MAD1L1: variants seen among roughly 807,000 people sequenced by gnomAD.
The protein encoded by MAD1L1 is mitotic spindle assembly checkpoint protein MAD1.
MAD1L1 carries 95 observed loss-of-function variants against 96.9 expected under a neutral mutation model. That is an observed-to-expected ratio of 0.98 (90% CI 0.83 to 1.16). The LOEUF (loss-of-function observed/expected upper bound fraction) is 1.16, where lower values mean the gene tolerates loss of function less well. Ranked by LOEUF, MAD1L1 falls within the 50% of genes most tolerant of loss-of-function variation. The pLI, the probability that MAD1L1 is intolerant of heterozygous loss-of-function variation, is 0.00. For missense variants in MAD1L1, 1,007 were observed against 954.4 expected (o/e 1.06, Z -0.73); for synonymous variants, 473 against 396.6 (o/e 1.19, Z -2.29).
intron 18 of MAD1L1, among the ~76,000 whole-genome samples, chr7:1,896,919 T>G (rs940666574): frequency 6.6e-6 from 1 of 152,252 alleles, no homozygotes; most frequent in African/African-American, 2.4e-5. Context: ...ATTAAACACC[T>G]CTGTGAATTA....
At chr7:1,865,191 A>G (rs1459390456) in intron 18 of MAD1L1, among the ~76,000 whole-genome samples, 1 of 151,912 alleles carries the variant, frequency 6.6e-6, no homozygotes, top group Non-Finnish European at 1.5e-5. Flanking sequence ...CACCCACCCT[A>G]TGGGATCTGG....
At position 2,230,530 on chromosome 7, in the gene MAD1L1, A is replaced by T; in HGVS notation, c.-11+19T>A. The T allele has an allele frequency of 5.3e-6, 1 of 188,642 alleles. No homozygotes were observed. Among genetic ancestry groups the T allele is most frequent in the South Asian group, 1.1e-4 (1 of 8,882 alleles). The allele number at this position is 188,642 out of a possible 1,614,324, so 11.7% of individuals were successfully genotyped here. ...GAGACAGACACAAGAGAAGGGCTTT[A>T]TTGGGGAAACTGACTCACGCGATTA... On this transcript the variant is annotated intron_variant, in intron 2 of 18. Coordinates refer to ENST00000265854, the MANE Select transcript of MAD1L1 (RefSeq NM_001013836.2).
chr7:1,950,173 T>A (rs1036445468), intron 16 of MAD1L1, among the ~76,000 whole-genome samples: 2 of 152,214 alleles, frequency 1.3e-5, no homozygotes, highest in African/African-American at 2.4e-5. Context: ...GAGCCCGAGC[T>A]GGGTCCCAGT....
chr7:2,026,926 G>A (rs1783019787), intron 12 of MAD1L1, among the ~76,000 whole-genome samples: 5 of 151,798 alleles, frequency 3.3e-5, no homozygotes, highest in African/African-American at 9.7e-5. Context: ...AATACATATG[G>A]GAAAAAATCA....
chr7:1,942,054 A>C (rs1779026787), intron 16 of MAD1L1, among the ~76,000 whole-genome samples: 1 of 151,768 alleles, frequency 6.6e-6, no homozygotes, highest in Non-Finnish European at 1.5e-5. Flanking sequence ...CAGGCTCTTG[A>C]CCTCCACGCG....
At chr7:1,950,460 T>C (rs1367373390) in intron 16 of MAD1L1, among the ~76,000 whole-genome samples, 1 of 152,190 alleles carries the variant, frequency 6.6e-6, no homozygotes, top group East Asian at 1.9e-4. Context: ...GTGCTGGTAA[T>C]CACCCGCTGA....
intron 16 of MAD1L1, among the ~76,000 whole-genome samples, chr7:1,951,840 T>G (rs1187704535): frequency 2.0e-5 from 3 of 152,214 alleles, no homozygotes; most frequent in Non-Finnish European, 4.4e-5. Context: ...TCCATGCATC[T>G]GTCCACAGAC....
Position 1,968,685 on chromosome 7 carries a change from G to A in MAD1L1, c.1506-10966C>T, listed in dbSNP as rs1195812396. Among the ~76,000 whole-genome samples, 1 of 152,240 alleles carries A rather than the reference G, an allele frequency of 6.6e-6. No individual in the cohort carries two copies. The highest frequency in any genetic ancestry group is 1.9e-4 in the East Asian group (1 of 5,200). On this transcript the variant is annotated intron_variant, in intron 15 of 18. Transcript: ENST00000265854. This position sits in a 1 kb window ranked among gnomAD's most constrained non-coding sequence, Gnocchi z 5.6. ...TGTCAGGGGCTCCCTGATGGGACGT[G>A]GTGAGAAAGGACTTGTCGTCTGTGA...
chr7:2,049,371 A>G (rs1784066150), intron 12 of MAD1L1, among the ~76,000 whole-genome samples: 1 of 152,116 alleles, frequency 6.6e-6, no homozygotes, highest in South Asian at 2.1e-4. Context: ...CTCCCTGCAC[A>G]GTGGGGGCCC....
intron 13 of MAD1L1, among the ~76,000 whole-genome samples, chr7:2,005,957 G>A (rs1198547011): frequency 6.6e-6 from 1 of 152,144 alleles, no homozygotes; most frequent in Non-Finnish European, 1.5e-5. Context: ...CCAGACAGAA[G>A]CTCAGCACGC....
chr7:2,046,751 T>C (rs889914182), intron 12 of MAD1L1, among the ~76,000 whole-genome samples: 3 of 151,958 alleles, frequency 2.0e-5, no homozygotes, highest in Non-Finnish European at 4.4e-5. Context: ...GGAAAAGAGG[T>C]GAGTCCTTTC....
chr7:1,963,129 A>G (rs1048682022), intron 15 of MAD1L1, among the ~76,000 whole-genome samples: 2 of 152,206 alleles, frequency 1.3e-5, no homozygotes, highest in African/African-American at 2.4e-5. Context: ...CGATTTCTAC[A>G]TGGGACTTTA....
intron 5 of MAD1L1, chr7:2,220,889 G>A (rs781167958): frequency 1.6e-5 from 25 of 1,610,478 alleles, no homozygotes; most frequent in Non-Finnish European, 2.0e-5. Context: ...CGCACCGTGT[G>A]CCAGGGGCAA....
At chr7:2,147,534 G>A (rs973178537) in intron 11 of MAD1L1, among the ~76,000 whole-genome samples, 24 of 152,200 alleles carry the variant, frequency 1.6e-4, no homozygotes, top group Non-Finnish European at 2.4e-4. Context: ...CCAGACCAGC[G>A]CAGTACTGAG....
At chr7:2,221,134 A>G (rs1213595978) in intron 5 of MAD1L1, 12 of 998,234 alleles carry the variant, frequency 1.2e-5, no homozygotes, top group Non-Finnish European at 1.2e-5. Flanking sequence ...CAGCGCCACC[A>G]TCTTCCCCTC....
intron 11 of MAD1L1, among the ~76,000 whole-genome samples, chr7:2,070,000 G>A (rs552370510): frequency 2.0e-5 from 3 of 148,412 alleles, no homozygotes; most frequent in East Asian, 3.9e-4. Flanking sequence ...GCCTCCCAAC[G>A]GCTCTCACTA....
chr7:2,208,444 C>T (rs1792711656), intron 10 of MAD1L1, among the ~76,000 whole-genome samples: 1 of 152,072 alleles, frequency 6.6e-6, no homozygotes, highest in African/African-American at 2.4e-5. Flanking sequence ...ACAGTGCAAC[C>T]AGGGGTGCAG....
chr7:2,179,553 G>A (rs1297275515), intron 10 of MAD1L1, among the ~76,000 whole-genome samples: 5 of 149,524 alleles, frequency 3.3e-5, no homozygotes, highest in African/African-American at 7.4e-5. Flanking sequence ...AAGAAAAATC[G>A]CACTCTACAT....
chr7:2,153,615 A>G lies in MAD1L1; in HGVS notation c.987-4377T>C, dbSNP rs191748029. ...GCTGTTGGAAGGAATGTAAATTAGT[A>G]CCACCGCTATGGAACCCAGTATGGA... is the stretch of plus-strand genomic sequence containing the variant. On this transcript the variant is annotated intron_variant, in intron 10 of 18. Coordinates refer to ENST00000265854, the MANE Select transcript of MAD1L1 (RefSeq NM_001013836.2). Among the ~76,000 whole-genome samples the G allele has an allele frequency of 4.6e-5, 7 of 152,324 alleles. No homozygotes were observed. The East Asian group carries it at 1.2e-3, about 25-fold the overall frequency.
Sources: gnomAD v4.1 joint callset for allele counts (sites outside exome capture counted in the v4.1 genomes callset) on GRCh38, gnomAD v4.1.1 for gene constraint, Gnocchi (gnomAD v3.1) non-coding constraint, MANE v1.5 for transcripts, NCBI Gene and HGNC (gene_info 2026-07-23, HGNC 2026-07-21) for gene names.